The following PMFBP1 variants were observed in gnomAD, a reference collection of about 807,000 sequenced individuals.
PMFBP1 encodes polyamine modulated factor 1 binding protein 1.
PMFBP1 carries 131 observed loss-of-function variants against 137.8 expected under a neutral mutation model. The ratio of observed to expected loss-of-function variants is 0.95; its 90% CI spans 0.82 to 1.10. The LOEUF (loss-of-function observed/expected upper bound fraction) is 1.10, where lower values mean the gene tolerates loss of function less well. Ranked by LOEUF, PMFBP1 falls within the 50% of genes least tolerant of loss-of-function variation. The pLI is 0.00. For synonymous variants in PMFBP1, 490 were observed against 450.4 expected, an observed-to-expected ratio of 1.09 and a Z score of -1.11; for missense variants, 1,199 against 1,175.4, an observed-to-expected ratio of 1.02 and a Z score of -0.29.
At chr16:72,194,085 G>A in the PMFBP1 span, among the ~76,000 whole-genome samples, 1 of 151,686 alleles carries the variant, frequency 6.6e-6, no homozygotes, top group Non-Finnish European at 1.5e-5. Context: ...GTAGTTCAGC[G>A]AGTTCATTAT....
At chr16:72,125,452 C>A in intron 15 of PMFBP1, 47 bp from the exon 16 acceptor site, 1 of 1,588,944 alleles carries the variant, frequency 6.3e-7, no homozygotes, top group Non-Finnish European at 8.6e-7. Context: ...AGACTTTGAC[C>A]CTCTCTGCTG....
At chr16:72,228,603 A>T in the PMFBP1 span, among the ~76,000 whole-genome samples, 3 of 152,198 alleles carry the variant, frequency 2.0e-5, no homozygotes, top group Admixed American at 2.0e-4. Flanking sequence ...CTGTATTCCC[A>T]GTCCCCAGCA....
chr16:72,156,673 T>C (rs1349610388), intron 3 of PMFBP1, among the ~76,000 whole-genome samples: 1 of 152,074 alleles, frequency 6.6e-6, no homozygotes, highest in East Asian at 1.9e-4. Flanking sequence ...TAGTATTCCA[T>C]TGTATAAATA....
intron 10 of PMFBP1, among the ~76,000 whole-genome samples, chr16:72,131,158 T>C (rs2042543993): frequency 6.6e-6 from 1 of 151,904 alleles, no homozygotes; most frequent in African/African-American, 2.4e-5. Context: ...AGCTGAGATG[T>C]AGAAAAAGAA....
At chr16:72,192,667 C>G in the PMFBP1 span, among the ~76,000 whole-genome samples, 26 of 151,998 alleles carry the variant, frequency 1.7e-4, no homozygotes, top group Non-Finnish European at 3.4e-4. Flanking sequence ...GCAGGCAGAT[C>G]AGGAGATCAA....
intron 20 of PMFBP1, 47 bp from the exon 21 acceptor site, chr16:72,119,401 A>T (rs774780565): frequency 4.3e-6 from 7 of 1,614,018 alleles, no homozygotes; most frequent in Non-Finnish European, 5.9e-6. Context: ...AGGAGAAATT[A>T]ACGAGGTGAT....
chr16:72,213,235 A>G, the PMFBP1 span, among the ~76,000 whole-genome samples: 2 of 152,146 alleles, frequency 1.3e-5, no homozygotes, highest in African/African-American at 4.8e-5. Context: ...GGCATTGTCT[A>G]AAGAGACTTC....
chr16:72,135,589 T>A (rs548255391), intron 9 of PMFBP1, among the ~76,000 whole-genome samples: 1 of 151,992 alleles, frequency 6.6e-6, no homozygotes, highest in African/African-American at 2.4e-5. Context: ...AAAGCTTGCA[T>A]TGGTTTCACC....
intron 4 of PMFBP1, among the ~76,000 whole-genome samples, 166 bp from the exon 5 acceptor site, chr16:72,150,995 T>C (rs775619184): frequency 6.6e-6 from 1 of 152,186 alleles, no homozygotes; most frequent in Non-Finnish European, 1.5e-5. Flanking sequence ...AATATCAAGA[T>C]GCTAATGATT....
the PMFBP1 span, among the ~76,000 whole-genome samples, chr16:72,204,909 A>G: frequency 3.9e-5 from 6 of 152,190 alleles, no homozygotes; most frequent in Admixed American, 2.6e-4. Context: ...GGAATTTTAA[A>G]TTTTATTTAA....
the PMFBP1 span, among the ~76,000 whole-genome samples, chr16:72,225,776 C>G: frequency 6.6e-6 from 1 of 150,410 alleles, no homozygotes; most frequent in Non-Finnish European, 1.5e-5. Flanking sequence ...CCTAGAAGCT[C>G]TTATTTCGAC....
chr16:72,132,020 A>G (rs2042556900), intron 10 of PMFBP1, among the ~76,000 whole-genome samples: 1 of 151,982 alleles, frequency 6.6e-6, no homozygotes, highest in African/African-American at 2.4e-5. Context: ...TAATTTTTGT[A>G]TGTTTTGTAG....
chr16:72,188,529 T>G, the PMFBP1 span, among the ~76,000 whole-genome samples: 1 of 152,198 alleles, frequency 6.6e-6, no homozygotes, highest in Non-Finnish European at 1.5e-5. Context: ...TTTTCATGTT[T>G]TATTGGATTT....
chr16:72,157,045 C>T (rs1427943950), intron 3 of PMFBP1, among the ~76,000 whole-genome samples: 4 of 151,344 alleles, frequency 2.6e-5, no homozygotes, highest in African/African-American at 4.9e-5. Flanking sequence ...AAAAATTAGC[C>T]GGGTGTGGTG....
chr16:72,236,109 G>A, the PMFBP1 span, among the ~76,000 whole-genome samples: 4 of 152,074 alleles, frequency 2.6e-5, no homozygotes, highest in South Asian at 2.1e-4. Context: ...CACTAAATAC[G>A]ATATTAATTT....
At chr16:72,140,040 T>C (rs924036008) in intron 6 of PMFBP1, among the ~76,000 whole-genome samples, 25 of 152,250 alleles carry the variant, frequency 1.6e-4, no homozygotes, top group Non-Finnish European at 1.3e-4. Flanking sequence ...CAACTTATTC[T>C]TGACGATAAG....
At chr16:72,177,388 C>A (rs190993019), upstream of PMFBP1, among the ~76,000 whole-genome samples, 1,120 of 152,300 alleles carry the variant, frequency 7.4e-3, 23 homozygotes, top group Non-Finnish European at 7.6e-3. Flanking sequence ...ACCCTTTCCC[C>A]CTTACAGCCC....
the PMFBP1 span, among the ~76,000 whole-genome samples, chr16:72,237,457 G>A: frequency 1.3e-5 from 2 of 151,866 alleles, no homozygotes; most frequent in Admixed American, 6.6e-5. Context: ...AAAATTCTAG[G>A]TGCTGGCTCT....
intron 9 of PMFBP1, among the ~76,000 whole-genome samples, chr16:72,133,337 C>T (rs1385603030): frequency 3.9e-5 from 6 of 152,032 alleles, no homozygotes; most frequent in African/African-American, 1.4e-4. Flanking sequence ...CACCACCACG[C>T]CTGGCTAATA....
Sources: allele counts gnomAD v4.1 joint callset (sites outside exome capture counted in the v4.1 genomes callset), GRCh38; gene constraint gnomAD v4.1.1; transcripts MANE v1.5; gene names NCBI Gene and HGNC (gene_info 2026-07-23, HGNC 2026-07-21).